Variants in MIS18A observed in about 807,000 individuals in gnomAD.
MIS18A encodes MIS18 kinetochore protein A.
MIS18A carries 14 observed loss-of-function variants against 25.0 expected under a neutral mutation model. That is an observed-to-expected ratio of 0.56 (90% confidence interval 0.37 to 0.88). The LOEUF is 0.88. MIS18A is among the 40% of genes least tolerant of loss of function. The pLI is 0.00. For missense variants in MIS18A, 292 were observed against 290.8 expected (o/e 1.00, Z -0.03); for synonymous variants, 134 against 118.6 (o/e 1.13, Z -0.84).
intron 4 of MIS18A, chr21:32,269,465 C>T: frequency 2.2e-6 from 1 of 460,582 alleles, no homozygotes; most frequent in Non-Finnish European, 3.8e-6. Context: ...GTATTTCTAG[C>T]TTTGCAGTGT....
At chr21:32,232,716 A>C in the MIS18A span, among the ~76,000 whole-genome samples, 2 of 151,698 alleles carry the variant, frequency 1.3e-5, no homozygotes, top group African/African-American at 4.9e-5. Flanking sequence ...GCATAGAAAC[A>C]AAGAATTAAA....
At chr21:32,161,791 C>T in the MIS18A span, among the ~76,000 whole-genome samples, 4 of 150,530 alleles carry the variant, frequency 2.7e-5, no homozygotes, top group Non-Finnish European at 4.4e-5. Context: ...TGCACCTGGC[C>T]GGAAGTTTTT....
chr21:32,272,976 T>G (rs2031740497), intron 2 of MIS18A, among the ~76,000 whole-genome samples: 1 of 152,178 alleles, frequency 6.6e-6, no homozygotes, highest in African/African-American at 2.4e-5. Flanking sequence ...GGCCTAACTT[T>G]CTTCAACTAC....
the MIS18A span, among the ~76,000 whole-genome samples, chr21:32,255,385 A>G: frequency 6.6e-6 from 1 of 151,666 alleles, no homozygotes; most frequent in Non-Finnish European, 1.5e-5. Context: ...TGTGTGCCAC[A>G]ATGCCCGGCT....
chr21:32,204,331 T>C, the MIS18A span, among the ~76,000 whole-genome samples: 1 of 151,886 alleles, frequency 6.6e-6, no homozygotes, highest in Non-Finnish European at 1.5e-5. Context: ...ACCCCATTGC[T>C]ACTAAAACTA....
intron 2 of MIS18A, among the ~76,000 whole-genome samples, chr21:32,272,251 T>A (rs2031727753): frequency 6.6e-6 from 1 of 152,184 alleles, no homozygotes; most frequent in Non-Finnish European, 1.5e-5. Context: ...AAGTCAGACT[T>A]AACAGAGAAA....
chr21:32,250,073 C>T, the MIS18A span, among the ~76,000 whole-genome samples: 2 of 152,114 alleles, frequency 1.3e-5, no homozygotes, highest in African/African-American at 2.4e-5. Context: ...AGCTGGGACT[C>T]GACTTTCCTT....
At chr21:32,165,655 C>A in the MIS18A span, among the ~76,000 whole-genome samples, 19 of 151,350 alleles carry the variant, frequency 1.3e-4, no homozygotes, top group South Asian at 1.0e-3. Flanking sequence ...AAGAAAAAAA[C>A]CCCAAAACCA....
the MIS18A span, chr21:32,261,153 G>C: frequency 6.6e-6 from 1 of 152,216 alleles, no homozygotes; most frequent in African/African-American, 2.4e-5. Context: ...ACAAACCCCA[G>C]GCCCCATGGC....
chr21:32,228,577 A>T, the MIS18A span, among the ~76,000 whole-genome samples: 51 of 152,306 alleles, frequency 3.3e-4, no homozygotes, highest in African/African-American at 1.2e-3. Context: ...GGCAGATGGC[A>T]TGATTTTGCA....
At chr21:32,157,571 A>G in the MIS18A span, among the ~76,000 whole-genome samples, 2 of 152,074 alleles carry the variant, frequency 1.3e-5, no homozygotes, top group African/African-American at 4.8e-5. Flanking sequence ...AATGATACCA[A>G]TCTACAAAGT....
At chr21:32,157,439 T>C in the MIS18A span, among the ~76,000 whole-genome samples, 1 of 151,840 alleles carries the variant, frequency 6.6e-6, no homozygotes, top group Non-Finnish European at 1.5e-5. Flanking sequence ...TCCTGCAAGC[T>C]CTTAAATTTT....
chr21:32,174,103 T>C, the MIS18A span, among the ~76,000 whole-genome samples: 54 of 151,830 alleles, frequency 3.6e-4, 1 homozygote, highest in African/African-American at 1.3e-3. Flanking sequence ...TAGCTGGGAC[T>C]ACAGGTGCCC....
At chr21:32,162,539 C>T in the MIS18A span, among the ~76,000 whole-genome samples, 2 of 152,194 alleles carry the variant, frequency 1.3e-5, no homozygotes, top group Non-Finnish European at 2.9e-5. Flanking sequence ...CAACATTGTG[C>T]ACCTTAGTTC....
At chr21:32,244,325 A>G in the MIS18A span, among the ~76,000 whole-genome samples, 2 of 152,124 alleles carry the variant, frequency 1.3e-5, no homozygotes, top group Non-Finnish European at 2.9e-5. Flanking sequence ...AATATGCTAC[A>G]TTATAATTGT....
chr21:32,227,265 A>G, the MIS18A span, among the ~76,000 whole-genome samples: 31 of 152,170 alleles, frequency 2.0e-4, no homozygotes, highest in East Asian at 5.2e-3. Context: ...AATCAATAAA[A>G]CCAAAAAGTA....
At chr21:32,154,749 TAC>T in the MIS18A span, among the ~76,000 whole-genome samples, 1 of 152,174 alleles carries the variant, frequency 6.6e-6, no homozygotes, top group Non-Finnish European at 1.5e-5. Flanking sequence ...TATATAATTC[TAC>T]AGTGTTATTT....
At chr21:32,252,502 G>T in the MIS18A span, among the ~76,000 whole-genome samples, 5 of 152,166 alleles carry the variant, frequency 3.3e-5, no homozygotes, top group African/African-American at 1.2e-4. Flanking sequence ...ATCAGCATTG[G>T]ATAACTGCAA....
At chr21:32,191,270 A>C in the MIS18A span, among the ~76,000 whole-genome samples, 5 of 152,168 alleles carry the variant, frequency 3.3e-5, no homozygotes, top group African/African-American at 1.2e-4. Flanking sequence ...CAAAGCCCGA[A>C]ATCCACCTCA....
Sources: allele counts gnomAD v4.1 joint callset (sites outside exome capture counted in the v4.1 genomes callset), GRCh38; gene constraint gnomAD v4.1.1; transcripts MANE v1.5; gene names NCBI Gene and HGNC (gene_info 2026-07-23, HGNC 2026-07-21).